The following NRG1 variants were observed in gnomAD, a reference collection of about 807,000 sequenced individuals.
NRG1 encodes the protein neuregulin 1.
In NRG1, 18 loss-of-function variants were observed where a neutral mutation model predicts 63.8. The ratio of observed to expected loss-of-function variants is 0.28; its 90% CI spans 0.19 to 0.42. The LOEUF is 0.42. Among genes scored for constraint, NRG1 ranks in the 10% least tolerant of loss-of-function variants. The pLI is 1.00. For synonymous variants in NRG1, 302 were observed against 301.3 expected (o/e 1.00, Z -0.02); for missense variants, 762 against 814.7 (o/e 0.94, Z 0.79).
intron 5 of NRG1, among the ~76,000 whole-genome samples, chr8:32,713,043 C>T (rs1225798647): frequency 6.6e-6 from 1 of 152,186 alleles, no homozygotes; most frequent in African/African-American, 2.4e-5. Flanking sequence ...TGACTCAATT[C>T]CTAGCTCAGT....
chr8:32,060,034 T>C (rs1397316701), intron 1 of NRG1, among the ~76,000 whole-genome samples: 1 of 151,996 alleles, frequency 6.6e-6, no homozygotes, highest in African/African-American at 2.4e-5. Flanking sequence ...TTCTAAGTAG[T>C]CTTTCTTGCT....
intron 5 of NRG1, among the ~76,000 whole-genome samples, chr8:32,637,308 A>G (rs1851520383): frequency 6.6e-6 from 1 of 152,106 alleles, no homozygotes; most frequent in South Asian, 2.1e-4. Context: ...CATAGTATAT[A>G]TATTTTATTA....
chr8:32,633,629 A>T (rs1457154821), intron 5 of NRG1, among the ~76,000 whole-genome samples: 2 of 152,176 alleles, frequency 1.3e-5, no homozygotes, highest in East Asian at 3.8e-4. Context: ...CCATTATAAG[A>T]CTATGGACTC....
chr8:32,572,880 CAAAT>C (rs1374086604), intron 1 of NRG1, among the ~76,000 whole-genome samples: 3 of 152,192 alleles, frequency 2.0e-5, no homozygotes, highest in Middle Eastern at 6.8e-3. Context: ...TTATACACAC[CAAAT>C]AAATAAATAT....
At chr8:32,257,762 A>G (rs1849896892) in intron 1 of NRG1, among the ~76,000 whole-genome samples, 1 of 152,206 alleles carries the variant, frequency 6.6e-6, no homozygotes, top group South Asian at 2.1e-4. Flanking sequence ...CTAAAAGACC[A>G]CTATTGACTT....
Position 31,640,121 on chromosome 8 carries a change from C to CG in NRG1, c.37+695dup. 1.7e-6 allele frequency: 2 copies of CG among 1,153,672 alleles called. No homozygotes were observed. The highest frequency in any genetic ancestry group is 2.1e-6 in the Non-Finnish European group (2 of 939,272). The allele number at this position is 1,153,672 out of a possible 1,614,324, so 71.5% of individuals were successfully genotyped here. ...CTGCTGGGGACCGCGGCCCTGGCGC[C>CG]GGGGGCGGCGGCCGGCAACGAGGCG... On this transcript the variant is annotated intron_variant, in intron 1 of 10. Coordinates refer to the NRG1 transcript ENST00000519301. The surrounding 1 kb of genome is among the most constrained non-coding windows in gnomAD (Gnocchi z 6.3).
At chr8:32,699,292 A>C (rs1003034504) in intron 5 of NRG1, among the ~76,000 whole-genome samples, 2 of 152,170 alleles carry the variant, frequency 1.3e-5, no homozygotes, top group Non-Finnish European at 2.9e-5. Context: ...AAACTTGTCT[A>C]CTTCCTCCTG....
intron 1 of NRG1, among the ~76,000 whole-genome samples, chr8:31,648,063 T>C (rs74400371): frequency 0.024 from 3,524 of 149,392 alleles, 146 homozygotes; most frequent in African/African-American, 0.083. Context: ...TAACTCCCCA[T>C]TCCCTTTCCT....
intron 1 of NRG1, among the ~76,000 whole-genome samples, chr8:31,951,448 G>GA (rs374614499): frequency 4.3e-4 from 65 of 151,426 alleles, no homozygotes; most frequent in African/African-American, 1.4e-3. Context: ...CTCCTCTAGG[G>GA]AAAAAAAAAG....
chr8:31,710,730 C>A (rs1167531770), intron 1 of NRG1, among the ~76,000 whole-genome samples: 3 of 151,950 alleles, frequency 2.0e-5, no homozygotes, highest in Non-Finnish European at 4.4e-5. Flanking sequence ...TTTGTTCTAG[C>A]TATTCTTTTA....
chr8:32,199,232 G>A (rs1221840133), intron 1 of NRG1, among the ~76,000 whole-genome samples: 1 of 151,868 alleles, frequency 6.6e-6, no homozygotes, highest in Non-Finnish European at 1.5e-5. Context: ...TTCTGTGGGG[G>A]CCCTCAGCTT....
intron 1 of NRG1, among the ~76,000 whole-genome samples, chr8:32,388,878 G>A (rs550040181): frequency 1.3e-5 from 2 of 152,236 alleles, no homozygotes; most frequent in East Asian, 3.9e-4. Flanking sequence ...GTTCCAGATG[G>A]AATTTTCTGT....
chr8:32,377,109 T>C (rs1339528335), intron 1 of NRG1, among the ~76,000 whole-genome samples: 1 of 152,148 alleles, frequency 6.6e-6, no homozygotes, highest in African/African-American at 2.4e-5. Flanking sequence ...TAAAGCAAAA[T>C]TGAGTTAAAG....
At chr8:31,673,020 G>A (rs1807317391) in intron 1 of NRG1, among the ~76,000 whole-genome samples, 2 of 151,128 alleles carry the variant, frequency 1.3e-5, no homozygotes, top group African/African-American at 4.9e-5. Context: ...CCACATTGGA[G>A]TGCAACATTC....
chr8:31,875,283 T>A (rs75717051), intron 1 of NRG1, among the ~76,000 whole-genome samples: 1,801 of 152,278 alleles, frequency 0.012, 40 homozygotes, highest in African/African-American at 0.041. Context: ...ATTCTCCGAA[T>A]TGAGTTCATT....
At chr8:31,828,640 A>C (rs1410628905) in intron 1 of NRG1, among the ~76,000 whole-genome samples, 1 of 152,178 alleles carries the variant, frequency 6.6e-6, no homozygotes, top group Non-Finnish European at 1.5e-5. Context: ...GGAATTACAC[A>C]GTGGGTGGCA....
chr8:32,123,604 A>G (rs996767801), intron 1 of NRG1, among the ~76,000 whole-genome samples: 12 of 148,540 alleles, frequency 8.1e-5, no homozygotes, highest in Non-Finnish European at 1.3e-4. Flanking sequence ...ACTTATATAT[A>G]ATAATATAAA....
At chr8:32,143,935 G>A (rs1273588862) in intron 1 of NRG1, among the ~76,000 whole-genome samples, 1 of 152,192 alleles carries the variant, frequency 6.6e-6, no homozygotes, top group African/African-American at 2.4e-5. Flanking sequence ...GCTATGCAGG[G>A]CTCCCATTAT....
At chr8:32,593,944 C>T (rs1319238502) in intron 1 of NRG1, among the ~76,000 whole-genome samples, 1 of 151,134 alleles carries the variant, frequency 6.6e-6, no homozygotes, top group Admixed American at 6.6e-5. Flanking sequence ...TTGCCAGTGG[C>T]CAGTGTGTCA....
Sources: gnomAD v4.1 joint callset for allele counts (sites outside exome capture counted in the v4.1 genomes callset) on GRCh38, gnomAD v4.1.1 for gene constraint, Gnocchi (gnomAD v3.1) non-coding constraint, MANE v1.5 for transcripts, NCBI Gene and HGNC (gene_info 2026-07-23, HGNC 2026-07-21) for gene names.